Variants in SEMA3C observed in about 807,000 individuals in gnomAD.
SEMA3C encodes semaphorin 3C, also known as semaphorin-3C.
In SEMA3C, 47 loss-of-function variants were observed where a neutral mutation model predicts 89.4. The ratio of observed to expected loss-of-function variants is 0.53; its 90% confidence interval spans 0.42 to 0.67. SEMA3C has a LOEUF of 0.67. Among genes scored for constraint, SEMA3C ranks in the 30% least tolerant of loss-of-function variants. The pLI, the probability that SEMA3C is intolerant of heterozygous loss-of-function variation, is 0.00. For missense variants in SEMA3C, 839 were observed against 929.1 expected (o/e 0.90, Z 1.26); for synonymous variants, 310 against 320.2 (o/e 0.97, Z 0.34).
At chr7:80,878,642 G>A (rs1407559134) in intron 2 of SEMA3C, among the ~76,000 whole-genome samples, 1 of 152,056 alleles carries the variant, frequency 6.6e-6, no homozygotes, top group African/African-American at 2.4e-5. Flanking sequence ...GTCTGAGGGT[G>A]CCTATGGCTT....
chr7:80,793,361 C>T, intron 11 of SEMA3C: 1 of 259,064 alleles, frequency 3.9e-6, no homozygotes, highest in Non-Finnish European at 7.7e-6. Flanking sequence ...TCCATTAGGT[C>T]AGTTTTCAGA....
At chr7:80,805,286 A>G (rs893803720) in intron 7 of SEMA3C, among the ~76,000 whole-genome samples, 1 of 152,118 alleles carries the variant, frequency 6.6e-6, no homozygotes, top group Non-Finnish European at 1.5e-5. Context: ...GTTAAAACAT[A>G]CAAGCAGATT....
At chr7:80,915,003 A>G (rs982621698) in intron 2 of SEMA3C, among the ~76,000 whole-genome samples, 1 of 152,166 alleles carries the variant, frequency 6.6e-6, no homozygotes, top group African/African-American at 2.4e-5. Context: ...TTTTGTTGAT[A>G]TTTACATTAG....
chr7:80,798,831 T>C (rs79258098), intron 10 of SEMA3C, among the ~76,000 whole-genome samples: 2,512 of 152,320 alleles, frequency 0.016, 37 homozygotes, highest in South Asian at 0.042. Flanking sequence ...ATAAAATTTG[T>C]TTGAATCTTT....
chr7:80,879,235 G>A (rs533467702), intron 2 of SEMA3C, among the ~76,000 whole-genome samples: 5 of 152,270 alleles, frequency 3.3e-5, no homozygotes, highest in Admixed American at 2.6e-4. Flanking sequence ...AACAATGGGA[G>A]ATGTCTGAGC....
chr7:80,787,316 C>T (rs966814548), intron 12 of SEMA3C, among the ~76,000 whole-genome samples: 4 of 149,882 alleles, frequency 2.7e-5, no homozygotes, highest in African/African-American at 4.9e-5. Context: ...ATCTTGAACC[C>T]GGGAGGCAGA....
rs112338323 is a variant in SEMA3C at position 80,915,514 on chromosome 7, C to T, written c.103+1165G>A. ...GGTGGCTCACCTCGGGAGGCGGAGG[C>T]GGGCAGATCACAAGGTCAGGAGATC... On this transcript the variant is annotated intron_variant, in intron 2 of 17. Coordinates refer to ENST00000265361, the MANE Select transcript of SEMA3C (RefSeq NM_006379.5). 6.2e-3 allele frequency among the ~76,000 whole-genome samples: 942 copies of T among 152,086 alleles called. 13 individuals are homozygous for T. Among genetic ancestry groups the T allele is most frequent in the African/African-American group, 0.02 (840 of 41,492 alleles).
chr7:80,787,862 T>A (rs534039212), intron 12 of SEMA3C, among the ~76,000 whole-genome samples: 21 of 152,278 alleles, frequency 1.4e-4, no homozygotes, highest in African/African-American at 4.8e-4. Context: ...ATTCCTCAGA[T>A]GTCAGGCAGG....
rs776985479 is a variant in SEMA3C at position 80,789,431 on chromosome 7, G to T, written c.1229C>A (p.Ser410Tyr). Residue 410 changes from serine (S) to tyrosine (Y), a missense_variant, in exon 12 of 18, where the codon TCC becomes TAC. Physicochemically the swap from Ser to Tyr is moderately radical, Grantham distance 144. Transcript: ENST00000265361. ...FIRNHPLMYNSIYPIHKRPLI... is the reference protein window; with the variant it reads ...FIRNHPLMYNYIYPIHKRPLI... ...AGGCCTTTTGTGGATTGGGTAGATG[G>T]AATTGTACATGAGAGGATGGTTCCG... The T allele has an allele frequency of 6.2e-7, 1 of 1,614,030 alleles. No individual in the cohort carries two copies.
At chr7:80,778,902 T>C (rs1788628157) in intron 12 of SEMA3C, among the ~76,000 whole-genome samples, 1 of 152,184 alleles carries the variant, frequency 6.6e-6, no homozygotes, top group Admixed American at 6.5e-5. Flanking sequence ...CTCTCCATTT[T>C]CTTGGTAAAT....
At chr7:80,885,488 A>T (rs1282801505) in intron 2 of SEMA3C, among the ~76,000 whole-genome samples, 1 of 152,048 alleles carries the variant, frequency 6.6e-6, no homozygotes, top group South Asian at 2.1e-4. Flanking sequence ...ATGGTGGTGC[A>T]TGCCCATAGT....
At chr7:80,888,208 T>C (rs1052597374) in intron 2 of SEMA3C, among the ~76,000 whole-genome samples, 1 of 148,684 alleles carries the variant, frequency 6.7e-6, no homozygotes, top group Non-Finnish European at 1.5e-5. Context: ...AGCTCAGGAG[T>C]TGGAGACTAT....
chr7:80,845,882 T>A (rs1790377392), intron 2 of SEMA3C, among the ~76,000 whole-genome samples: 1 of 152,192 alleles, frequency 6.6e-6, no homozygotes, highest in African/African-American at 2.4e-5. Context: ...AACATGACCA[T>A]GCTTTCACAC....
intron 2 of SEMA3C, among the ~76,000 whole-genome samples, chr7:80,876,176 T>C (rs955762756): frequency 3.9e-5 from 6 of 152,228 alleles, no homozygotes; most frequent in Non-Finnish European, 8.8e-5. Context: ...ACTGTATTAA[T>C]AATTCCTCTA....
chr7:80,827,994 C>CT (rs11420436), intron 3 of SEMA3C, among the ~76,000 whole-genome samples: 35,935 of 152,040 alleles, frequency 0.24, 4,490 homozygotes, highest in East Asian at 0.34. Context: ...TGCTAGTACT[C>CT]TAAGTAGTTG....
chr7:80,865,239 C>T (rs7779641), intron 2 of SEMA3C, among the ~76,000 whole-genome samples: 19,520 of 151,938 alleles, frequency 0.13, 1,988 homozygotes, highest in African/African-American at 0.28. Flanking sequence ...TAAAACTCAA[C>T]GATTCTGTAT....
chr7:80,798,308 A>G (rs1262787430), intron 10 of SEMA3C, 72 bp from the exon 11 acceptor site: 5 of 1,205,432 alleles, frequency 4.1e-6, no homozygotes, highest in Admixed American at 7.9e-5. Flanking sequence ...ATATATGGTA[A>G]AATTTATGAT....
At chr7:80,852,284 A>G (rs1475979973) in intron 2 of SEMA3C, among the ~76,000 whole-genome samples, 1 of 152,160 alleles carries the variant, frequency 6.6e-6, no homozygotes, top group Non-Finnish European at 1.5e-5. Context: ...CCCTGACCTT[A>G]TTCATGTTAC....
At chr7:80,872,389 G>A (rs951866042) in intron 2 of SEMA3C, among the ~76,000 whole-genome samples, 3 of 152,098 alleles carry the variant, frequency 2.0e-5, no homozygotes, top group Non-Finnish European at 4.4e-5. Flanking sequence ...CTGACCTCAG[G>A]TGAACCATCC....
Sources: allele counts gnomAD v4.1 joint callset (sites outside exome capture counted in the v4.1 genomes callset), GRCh38; gene constraint gnomAD v4.1.1; transcripts MANE v1.5; gene names NCBI Gene and HGNC (gene_info 2026-07-23, HGNC 2026-07-21).